USP34: variants seen among roughly 807,000 people sequenced by gnomAD.
USP34 encodes the protein ubiquitin carboxyl-terminal hydrolase 34.
USP34 carries 70 observed loss-of-function variants against 460.3 expected under a neutral mutation model. That is an observed-to-expected ratio of 0.15 (90% CI 0.13 to 0.19). The LOEUF (loss-of-function observed/expected upper bound fraction) is 0.19, where lower values mean the gene tolerates loss of function less well. USP34 is among the 10% of genes least tolerant of loss of function. The pLI is 1.00. For missense variants in USP34, 3,985 were observed against 4,236.2 expected (o/e 0.94, Z 1.65); for synonymous variants, 1,647 against 1,405.3 (o/e 1.17, Z -3.85).
chr2:61,324,977 A>T (rs565564916), intron 21 of USP34, among the ~76,000 whole-genome samples: 1 of 152,320 alleles, frequency 6.6e-6, no homozygotes, highest in African/African-American at 2.4e-5. Flanking sequence ...CATTATTCTA[A>T]GTGAACTAAC....
intron 20 of USP34, 100 bp downstream of exon 20, chr2:61,331,176 A>C (rs981287648): frequency 5.1e-6 from 5 of 985,786 alleles, no homozygotes; most frequent in Middle Eastern, 2.3e-4. Context: ...TTTCTGTTAC[A>C]ATTACTTATT....
Position 61,266,011 on chromosome 2 carries a change from T to C in USP34, c.5590A>G (p.Asn1864Asp). 1 of 1,610,804 alleles carries C rather than the reference T, an allele frequency of 6.2e-7. No individual in the cohort carries two copies. Among genetic ancestry groups the C allele is most frequent in the East Asian group, 2.2e-5 (1 of 44,850 alleles). ...GSVENYRLIH[N>D]WVMAQHMQSH... Reference sequence around the variant, plus strand: ...TGCATGTGTTGTGCCATAACCCAGTTGTGTATTAGCCTGTAGTTCTCAACA... The same window carrying C: ...TGCATGTGTTGTGCCATAACCCAGTCGTGTATTAGCCTGTAGTTCTCAACA... The change falls in exon 42 of 80, where the codon AAC (asparagine) becomes GAC (aspartate). Residue 1864 changes from asparagine to aspartate, a missense_variant. Asn to Asp is a conservative substitution (Grantham distance 23). Around this residue, in one of 14 missense-constraint regions of USP34, gnomAD observed 1,114 missense variants for 1,122.5 expected, o/e 0.99. Transcript: ENST00000398571.
At chr2:61,220,151 TA>T (rs60784334) in intron 67 of USP34, 158 bp downstream of exon 67, 527 of 168,854 alleles carry the variant, frequency 3.1e-3, no homozygotes, top group African/African-American at 4.1e-3. Context: ...TTTCCTATCC[TA>T]AAAAAAAAAA....
intron 69 of USP34, among the ~76,000 whole-genome samples, chr2:61,210,702 T>A (rs1378777492): frequency 6.6e-6 from 1 of 152,142 alleles, no homozygotes; most frequent in Non-Finnish European, 1.5e-5. Context: ...TCAAGAAGAG[T>A]TAAGAAAGCT....
intron 1 of USP34, among the ~76,000 whole-genome samples, chr2:61,430,373 C>T (rs1167018487): frequency 6.6e-6 from 1 of 152,144 alleles, no homozygotes; most frequent in African/African-American, 2.4e-5. Context: ...CATTGCACTC[C>T]GGCCTGGGTG....
chr2:61,353,786 A>G (rs1414649043), intron 10 of USP34, among the ~76,000 whole-genome samples: 2 of 152,174 alleles, frequency 1.3e-5, no homozygotes, highest in East Asian at 3.8e-4. Flanking sequence ...AAGACAGGAA[A>G]ACAATGCATG....
At chr2:61,425,528 G>GTTCACA (rs1694486240) in intron 1 of USP34, among the ~76,000 whole-genome samples, 1 of 152,046 alleles carries the variant, frequency 6.6e-6, no homozygotes, top group Non-Finnish European at 1.5e-5. Context: ...ATCAAACCCA[G>GTTCACA]GTGACTCCCA....
At chr2:61,295,396 A>G in intron 30 of USP34, 106 bp from the exon 31 acceptor site, 1 of 1,201,470 alleles carries the variant, frequency 8.3e-7, no homozygotes, top group South Asian at 2.1e-5. Flanking sequence ...TATTATATAT[A>G]CTTTGAAACA....
chr2:61,201,362 C>G, intron 75 of USP34, among the ~76,000 whole-genome samples: 1 of 151,894 alleles, frequency 6.6e-6, no homozygotes, highest in East Asian at 1.9e-4. Flanking sequence ...CAACTACAGG[C>G]ACGTACCACC....
At chr2:61,269,065 T>A (rs1176835956) in intron 41 of USP34, among the ~76,000 whole-genome samples, 1 of 152,176 alleles carries the variant, frequency 6.6e-6, no homozygotes, top group African/African-American at 2.4e-5. Flanking sequence ...TAATAAAAGA[T>A]GTTCAAAGAT....
At chr2:61,291,620 A>C (rs1277649426) in intron 33 of USP34, among the ~76,000 whole-genome samples, 1 of 152,220 alleles carries the variant, frequency 6.6e-6, no homozygotes, top group African/African-American at 2.4e-5. Context: ...ACACACATAC[A>C]TGCATACATG....
chr2:61,313,857 C>T lies in USP34; in HGVS notation c.3542+728G>A, dbSNP rs1368379181. On this transcript the variant is annotated intron_variant, in intron 25 of 79. Transcript: ENST00000398571. ...ATATTTTAAAAATGTCAATAAATATCACTTGTATCACTTCAATATCAAACT... is the reference window on the plus strand; with the variant it reads ...ATATTTTAAAAATGTCAATAAATATTACTTGTATCACTTCAATATCAAACT... 5.3e-5 allele frequency among the ~76,000 whole-genome samples: 8 copies of T among 151,960 alleles called. No individual in the cohort carries two copies. In the South Asian group the frequency reaches 8.3e-4, roughly 16 times the overall value.
At chr2:61,296,724 G>A in intron 30 of USP34, 76 bp downstream of exon 30, 1 of 1,436,846 alleles carries the variant, frequency 7.0e-7, no homozygotes, top group Non-Finnish European at 9.3e-7. Flanking sequence ...ACATCAACAG[G>A]CAATCTTCTA....
At position 61,470,979 on chromosome 2, in the gene USP34, AGAGGGGGG is replaced by A. The variant is rs1390622742; in HGVS notation, c.-295_-288del. On this transcript the variant is annotated 5_prime_UTR_variant, in exon 1 of 80. Coordinates refer to ENST00000398571, the MANE Select transcript of USP34 (RefSeq NM_014709.4). ...AGGGGGGGAAGGACGGGGGGAGGGG[AGAGGGGGG>A]GAGGGGGCGGGTGGGGAGAGAAGCA... Among the ~76,000 whole-genome samples, 3 of 7,260 alleles carry A rather than the reference AGAGGGGGG, an allele frequency of 4.1e-4. No homozygotes were observed. Among genetic ancestry groups the A allele is most frequent in the African/African-American group, 1.7e-3 (3 of 1,716 alleles). 4.8% of individuals were successfully genotyped at this position (7,260 alleles called of 152,430 possible).
intron 58 of USP34, 42 bp from the exon 59 acceptor site, chr2:61,229,675 G>C (rs780690465): frequency 4.0e-5 from 61 of 1,519,386 alleles, no homozygotes; most frequent in Non-Finnish European, 5.2e-5. Flanking sequence ...CAACTCATCA[G>C]GTAACAAAGA....
At chr2:61,232,603 A>C (rs1161406316) in intron 57 of USP34, 71 bp from the exon 58 acceptor site, 19 of 1,214,298 alleles carry the variant, frequency 1.6e-5, no homozygotes, top group Non-Finnish European at 1.9e-5. Flanking sequence ...CAGTCACATA[A>C]GAATTTTATT....
rs370159851 is a variant in USP34, at chr2:61,296,941, C to G, written c.4129-16G>C. 8.7e-6 allele frequency: 14 copies of G among 1,600,320 alleles called. No homozygotes were observed. The African/African-American group carries it at 1.4e-4, about 15-fold the overall frequency. ...ATCGTAAGCTCTACACAAATAAGAA[C>G]AACTACTTTATCAAAACAGATCAGA... is the stretch of plus-strand genomic sequence containing the variant. On this transcript the variant is annotated splice_polypyrimidine_tract_variant and intron_variant, in intron 29 of 79. Transcript: ENST00000398571.
chr2:61,340,820 A>T (rs558670612), intron 16 of USP34, among the ~76,000 whole-genome samples: 1 of 149,174 alleles, frequency 6.7e-6, no homozygotes, highest in East Asian at 1.9e-4. Context: ...TTTCATAGAT[A>T]TATAATTTTC....
chr2:61,307,809 C>T lies in USP34; in HGVS notation c.3817+3731G>A, dbSNP rs1029938367. 4.6e-5 allele frequency among the ~76,000 whole-genome samples: 7 copies of T among 151,296 alleles called. No homozygotes were observed. The East Asian group carries it at 5.8e-4, about 13-fold the overall frequency. On this transcript the variant is annotated intron_variant, in intron 27 of 79. Transcript: ENST00000398571. ...ACCCCTGTAATCCAAGGACTTTGGA[C>T]GGCCAAGGGGGGAGGATAGCTTGAG... is the stretch of plus-strand genomic sequence containing the variant.
Sources: allele counts gnomAD v4.1 joint callset (sites outside exome capture counted in the v4.1 genomes callset), GRCh38; gene constraint gnomAD v4.1.1; regional missense constraint gnomAD v4.1.1; transcripts MANE v1.5; gene names NCBI Gene and HGNC (gene_info 2026-07-23, HGNC 2026-07-21).